PDK1: variants seen among roughly 807,000 people sequenced by gnomAD.
The protein encoded by PDK1 is pyruvate dehydrogenase kinase 1, also known as [Pyruvate dehydrogenase (acetyl-transferring)] kinase isozyme 1, mitochondrial.
In PDK1, 39 loss-of-function variants were observed where a neutral mutation model predicts 54.2. The ratio of observed to expected loss-of-function variants is 0.72; its 90% CI spans 0.56 to 0.94. The LOEUF is 0.94. PDK1 is among the 40% of genes least tolerant of loss of function. The probability of loss-of-function intolerance (pLI) is 0.00; values close to 1 mark genes in which losing one functional copy is unlikely to be tolerated. For missense variants in PDK1, 552 were observed against 566.0 expected (o/e 0.98, Z 0.25); for synonymous variants, 221 against 207.1 (o/e 1.07, Z -0.58).
the PDK1 span, among the ~76,000 whole-genome samples, chr2:172,715,617 A>G: frequency 1.2e-4 from 18 of 152,192 alleles, no homozygotes; most frequent in Admixed American, 1.1e-3. Flanking sequence ...TGGGAATGCA[A>G]CCTCACAGAA....
At chr2:172,636,903 C>T in the PDK1 span, among the ~76,000 whole-genome samples, 5 of 152,060 alleles carry the variant, frequency 3.3e-5, no homozygotes, top group Non-Finnish European at 5.9e-5. Context: ...TACTACCCTC[C>T]TCCCTCCAAT....
intron 8 of PDK1, among the ~76,000 whole-genome samples, chr2:172,574,742 G>C (rs996173588): frequency 6.6e-6 from 1 of 152,090 alleles, no homozygotes; most frequent in Non-Finnish European, 1.5e-5. Flanking sequence ...TAGTGGATAG[G>C]AATATAACTG....
At chr2:172,556,934 C>G (rs1478563518) in intron 1 of PDK1, among the ~76,000 whole-genome samples, 1 of 152,198 alleles carries the variant, frequency 6.6e-6, no homozygotes, top group African/African-American at 2.4e-5. Flanking sequence ...TTATTTACCA[C>G]ATTATCTTGG....
At chr2:172,609,608 GCT>G (rs1170617371), downstream of PDK1, among the ~76,000 whole-genome samples, 1 of 152,182 alleles carries the variant, frequency 6.6e-6, no homozygotes, top group Non-Finnish European at 1.5e-5. Flanking sequence ...GGAAGGAAAT[GCT>G]CTGAGGAAGG....
chr2:172,673,906 A>G, the PDK1 span, among the ~76,000 whole-genome samples: 1 of 152,360 alleles, frequency 6.6e-6, no homozygotes, highest in South Asian at 2.1e-4. Context: ...CCATTTCAGT[A>G]TACTTGTCAG....
At chr2:172,562,850 A>G (rs1688730466) in intron 3 of PDK1, 1 of 1,577,660 alleles carries the variant, frequency 6.3e-7, no homozygotes. Context: ...TTGGTAAACC[A>G]AAGTATTTGC....
intron 9 of PDK1, 135 bp from the exon 10 acceptor site, chr2:172,592,800 A>C: frequency 2.3e-6 from 1 of 438,156 alleles, no homozygotes; most frequent in South Asian, 3.5e-5. Flanking sequence ...CTTAAATATT[A>C]ATTATATTAA....
the PDK1 span, among the ~76,000 whole-genome samples, chr2:172,636,418 G>A: frequency 1.3e-5 from 2 of 151,966 alleles, no homozygotes; most frequent in Non-Finnish European, 2.9e-5. Flanking sequence ...TTCTCAAGGT[G>A]ACTTAAAGAG....
chr2:172,630,731 G>A, the PDK1 span, among the ~76,000 whole-genome samples: 1 of 151,790 alleles, frequency 6.6e-6, no homozygotes, highest in East Asian at 1.9e-4. Context: ...CCAGGTTCAA[G>A]CAATTCTTGT....
rs1690980327 is a variant in PDK1, at chr2:172,598,072, G to A, written c.*2103G>A. On this transcript the variant is annotated 3_prime_UTR_variant, in exon 11 of 11. Transcript: ENST00000282077. ...ACTATTCCTTAATTATGGATTTTGTGAAAAACAATAGAACATGTTAATGAG... is the reference window on the plus strand; with the variant it reads ...ACTATTCCTTAATTATGGATTTTGTAAAAAACAATAGAACATGTTAATGAG... 1 of 152,156 alleles carries A rather than the reference G, an allele frequency of 6.6e-6. No homozygotes were observed. Among genetic ancestry groups the A allele is most frequent in the Non-Finnish European group, 1.5e-5 (1 of 68,018 alleles). 9.4% of individuals were successfully genotyped at this position (152,156 alleles called of 1,614,324 possible).
chr2:172,716,315 T>C, the PDK1 span, among the ~76,000 whole-genome samples: 2 of 152,158 alleles, frequency 1.3e-5, no homozygotes, highest in Non-Finnish European at 2.9e-5. Context: ...TACTGAAATA[T>C]CTGATTAAGT....
In PDK1 at chr2:172,562,195, CTT is replaced by C. The variant is rs780745352; in HGVS notation, c.339-24_339-23del. ...AACTTTCAGAATATAAAAGAACAAACTTATCCTATTGATCTGCATTTTAGGTA... is the reference window on the plus strand; with the variant it reads ...AACTTTCAGAATATAAAAGAACAAACATCCTATTGATCTGCATTTTAGGTA... On this transcript the variant is annotated intron_variant, in intron 2 of 10. Coordinates refer to ENST00000282077, the MANE Select transcript of PDK1 (RefSeq NM_002610.5). The C allele has an allele frequency of 1.2e-5, 16 of 1,299,268 alleles. No homozygotes were observed. In the South Asian group the frequency reaches 1.9e-4, roughly 15 times the overall value. 80.5% of individuals were successfully genotyped at this position (1,299,268 alleles called of 1,614,324 possible).
At chr2:172,649,350 A>G in the PDK1 span, among the ~76,000 whole-genome samples, 10 of 152,342 alleles carry the variant, frequency 6.6e-5, no homozygotes, top group South Asian at 1.4e-3. Context: ...TCAAAGACCA[A>G]AGGTAGATAA....
the PDK1 span, among the ~76,000 whole-genome samples, chr2:172,641,488 C>T: frequency 6.8e-6 from 1 of 146,026 alleles, no homozygotes; most frequent in Admixed American, 7.0e-5. Flanking sequence ...GTCGCCCAGG[C>T]TAGAGTGCAG....
chr2:172,592,332 T>G (rs1056973562), intron 9 of PDK1, among the ~76,000 whole-genome samples: 1 of 152,210 alleles, frequency 6.6e-6, no homozygotes, highest in African/African-American at 2.4e-5. Context: ...GCCTCTCTCT[T>G]TCTGACTCCT....
At chr2:172,646,547 G>A in the PDK1 span, among the ~76,000 whole-genome samples, 1 of 151,802 alleles carries the variant, frequency 6.6e-6, no homozygotes, top group East Asian at 1.9e-4. Flanking sequence ...TTCAGGTAGA[G>A]TTTAGACTGG....
At chr2:172,578,030 TCA>T (rs1407555319) in intron 8 of PDK1, among the ~76,000 whole-genome samples, 1 of 152,234 alleles carries the variant, frequency 6.6e-6, no homozygotes, top group Non-Finnish European at 1.5e-5. Context: ...ATCATCTCTC[TCA>T]GTTTTTGCTT....
chr2:172,556,022 G>A (rs1274367910), upstream of PDK1: 4 of 628,362 alleles, frequency 6.4e-6, no homozygotes, highest in African/African-American at 7.7e-5. Context: ...GCTCCGGCTA[G>A]GAGGGTGGGG....
At chr2:172,694,619 C>T in the PDK1 span, among the ~76,000 whole-genome samples, 2 of 152,098 alleles carry the variant, frequency 1.3e-5, no homozygotes, top group Non-Finnish European at 2.9e-5. Flanking sequence ...TATGAGTGCG[C>T]CCTGTGATGG....
Sources: allele counts gnomAD v4.1 joint callset (sites outside exome capture counted in the v4.1 genomes callset), GRCh38; gene constraint gnomAD v4.1.1; transcripts MANE v1.5; gene names NCBI Gene and HGNC (gene_info 2026-07-23, HGNC 2026-07-21).